Variants in PPP1R1C observed in about 807,000 individuals in gnomAD.
PPP1R1C encodes protein phosphatase 1 regulatory inhibitor subunit 1C, also known as protein phosphatase 1 regulatory subunit 1C.
Under a neutral mutation model 17.4 loss-of-function variants are expected in PPP1R1C, and 15 were observed. The ratio of observed to expected loss-of-function variants is 0.86; its 90% CI spans 0.58 to 1.33. PPP1R1C has a LOEUF of 1.33. PPP1R1C is among the 40% of genes most tolerant of loss of function. PPP1R1C has a pLI of 0.00. For synonymous variants in PPP1R1C, 35 were observed against 43.1 expected, an observed-to-expected ratio of 0.81 and a Z score of 0.73; for missense variants, 143 against 130.0, an observed-to-expected ratio of 1.10 and a Z score of -0.48.
At chr2:182,131,286 T>C (rs1690002141), downstream of PPP1R1C, 2 of 152,124 alleles carry the variant, frequency 1.3e-5, no homozygotes, top group Admixed American at 1.3e-4. Flanking sequence ...AAAATATGTA[T>C]ATATACACAT....
intron 2 of PPP1R1C, among the ~76,000 whole-genome samples, chr2:181,994,358 C>G (rs1488243099): frequency 6.6e-6 from 1 of 152,102 alleles, no homozygotes; most frequent in South Asian, 2.1e-4. Flanking sequence ...ATCAAATACT[C>G]TTGTTGCTCA....
intron 2 of PPP1R1C, among the ~76,000 whole-genome samples, chr2:182,010,109 T>C (rs1686046023): frequency 6.8e-6 from 1 of 147,594 alleles, no homozygotes. Flanking sequence ...CTAGCTCTTT[T>C]GTGATTCCTG....
intron 4 of PPP1R1C, among the ~76,000 whole-genome samples, chr2:182,068,559 G>A (rs547118296): frequency 4.6e-5 from 7 of 152,222 alleles, no homozygotes; most frequent in East Asian, 1.9e-4. Flanking sequence ...GCCTCAGGTC[G>A]GCGTGTGAAG....
intron 2 of PPP1R1C, among the ~76,000 whole-genome samples, chr2:182,015,060 C>G (rs558495173): frequency 6.6e-6 from 1 of 152,230 alleles, no homozygotes; most frequent in Admixed American, 6.5e-5. Context: ...TGAACTGGTA[C>G]CCAAGCTGCA....
chr2:182,027,726 A>T (rs1248706101), intron 2 of PPP1R1C, among the ~76,000 whole-genome samples: 2 of 151,422 alleles, frequency 1.3e-5, no homozygotes, highest in African/African-American at 4.9e-5. Flanking sequence ...CTAGCCTCAT[A>T]AAATGAGTTA....
chr2:182,116,596 G>C lies in PPP1R1C; in HGVS notation c.242-611G>C, dbSNP rs118073570. On this transcript the variant is annotated intron_variant, in intron 4 of 4. Coordinates refer to ENST00000682840, the MANE Select transcript of PPP1R1C (RefSeq NM_001080545.3). ...GTAAATTACCCTGAAAGCAGGAAAG[G>C]CTGGTGAGAAATGGTAGAGAGCCCA... is the stretch of plus-strand genomic sequence containing the variant. Among the ~76,000 whole-genome samples the C allele has an allele frequency of 7.9e-5, 12 of 152,294 alleles. No homozygotes were observed. In the East Asian group the frequency reaches 2.1e-3, roughly 27 times the overall value.
chr2:182,128,836 C>T (rs970439965), intron 5 of PPP1R1C: 3 of 152,074 alleles, frequency 2.0e-5, no homozygotes, highest in African/African-American at 7.2e-5. Context: ...ATAATTGACT[C>T]TATCCTAGCA....
rs113640993 is a variant in PPP1R1C, at chr2:182,052,002, CA to C, written c.143-9427del. ...TGGGCGACACAGTGAGACTCTGTCT[CA>C]AAAAAAAAAAAATCATGATAATACA... On this transcript the variant is annotated intron_variant, in intron 2 of 4. Transcript: ENST00000682840. Among the ~76,000 whole-genome samples the C allele has an allele frequency of 5.6e-3, 710 of 125,978 alleles. 3 individuals carry two copies. Among genetic ancestry groups the C allele is most frequent in the Middle Eastern group, 0.043 (10 of 232 alleles). 82.6% of individuals were successfully genotyped at this position (125,978 alleles called of 152,430 possible). A position where few individuals can be genotyped will look rare whatever the true frequency, so the allele number is the denominator to read the frequency against.
At chr2:182,046,744 A>G (rs922220340) in intron 2 of PPP1R1C, among the ~76,000 whole-genome samples, 2 of 151,888 alleles carry the variant, frequency 1.3e-5, no homozygotes, top group African/African-American at 4.8e-5. Context: ...TCTCAAGAAA[A>G]AAAAAAAAAA....
intron 2 of PPP1R1C, among the ~76,000 whole-genome samples, chr2:182,022,587 A>G (rs1686459872): frequency 6.6e-6 from 1 of 152,214 alleles, no homozygotes; most frequent in Non-Finnish European, 1.5e-5. Context: ...TTTTTATTTA[A>G]AACATCCAAT....
At chr2:181,955,930 T>C (rs1156553534) in intron 1 of PPP1R1C, among the ~76,000 whole-genome samples, 2 of 152,184 alleles carry the variant, frequency 1.3e-5, no homozygotes, top group African/African-American at 4.8e-5. Flanking sequence ...TATTAAGTTG[T>C]GCAGGTTTGT....
At chr2:182,090,395 C>T (rs1425654911) in intron 4 of PPP1R1C, among the ~76,000 whole-genome samples, 1 of 151,806 alleles carries the variant, frequency 6.6e-6, no homozygotes, top group Non-Finnish European at 1.5e-5. Flanking sequence ...GATATGCTTT[C>T]TTAAAATAAG....
rs368734354 is a variant in PPP1R1C, at chr2:182,115,073, C to A, written c.242-2134C>A. Reference sequence around the variant, plus strand: ...ACACAGATTTATTACTCTTGAGTTACCTTGTGAATGAAAAAGATGAGCTCT... The same window carrying A: ...ACACAGATTTATTACTCTTGAGTTAACTTGTGAATGAAAAAGATGAGCTCT... On this transcript the variant is annotated intron_variant, in intron 4 of 4. Transcript: ENST00000682840. Among the ~76,000 whole-genome samples the A allele has an allele frequency of 1.4e-4, 21 of 152,202 alleles. 1 individual carries two copies. In the East Asian group the frequency reaches 2.1e-3, roughly 15 times the overall value.
chr2:182,005,911 A>G (rs1378142850), intron 2 of PPP1R1C, among the ~76,000 whole-genome samples: 2 of 152,326 alleles, frequency 1.3e-5, no homozygotes, highest in African/African-American at 4.8e-5. Context: ...CCTACTTCAC[A>G]GGGTAGTTTA....
chr2:181,999,456 C>T (rs1412000617), intron 2 of PPP1R1C, among the ~76,000 whole-genome samples: 1 of 152,108 alleles, frequency 6.6e-6, no homozygotes, highest in African/African-American at 2.4e-5. Flanking sequence ...CTGTAATGTA[C>T]ATATAGATTG....
At chr2:182,100,117 G>A (rs1689054279) in intron 4 of PPP1R1C, among the ~76,000 whole-genome samples, 1 of 152,084 alleles carries the variant, frequency 6.6e-6, no homozygotes, top group African/African-American at 2.4e-5. Context: ...TTCATCATAA[G>A]TGTCATTCAG....
chr2:182,123,385 G>A (rs930630086), intron 5 of PPP1R1C, among the ~76,000 whole-genome samples: 4 of 152,168 alleles, frequency 2.6e-5, no homozygotes, highest in Admixed American at 2.0e-4. Context: ...GAATTGCTGG[G>A]TCAAATGGTA....
intron 4 of PPP1R1C, among the ~76,000 whole-genome samples, chr2:182,106,593 C>T (rs1689260492): frequency 6.6e-6 from 1 of 152,164 alleles, no homozygotes; most frequent in South Asian, 2.1e-4. Context: ...ACCTTGAACT[C>T]ATTCTCCAAG....
chr2:182,106,662 C>G (rs1189817401), intron 4 of PPP1R1C, among the ~76,000 whole-genome samples: 1 of 152,190 alleles, frequency 6.6e-6, no homozygotes, highest in Non-Finnish European at 1.5e-5. Context: ...TCCCCGGATA[C>G]AGAAAGCCCT....
Sources: gnomAD v4.1 joint callset for allele counts (sites outside exome capture counted in the v4.1 genomes callset) on GRCh38, gnomAD v4.1.1 for gene constraint, MANE v1.5 for transcripts, NCBI Gene and HGNC (gene_info 2026-07-23, HGNC 2026-07-21) for gene names.